Variants in DIAPH3 observed in about 807,000 individuals in gnomAD.
DIAPH3 encodes diaphanous related formin 3, also known as protein diaphanous homolog 3.
A neutral mutation model predicts 144.3 loss-of-function variants in DIAPH3; 117 were observed. That is an observed-to-expected ratio of 0.81 (90% CI 0.70 to 0.95). The LOEUF is 0.95. DIAPH3 is among the 40% of genes least tolerant of loss of function. The pLI is 0.00. For synonymous variants in DIAPH3, 519 were observed against 488.9 expected (o/e 1.06, Z -0.81); for missense variants, 1,421 against 1,412.7 (o/e 1.01, Z -0.09).
At chr13:59,820,850 A>G (rs1411140953) in intron 24 of DIAPH3, among the ~76,000 whole-genome samples, 3 of 150,482 alleles carry the variant, frequency 2.0e-5, no homozygotes, top group Non-Finnish European at 4.4e-5. Context: ...CTATTAAAGT[A>G]GGCTGCCATA....
chr13:60,161,085 G>A (rs79494593), intron 1 of DIAPH3, among the ~76,000 whole-genome samples: 29 of 152,244 alleles, frequency 1.9e-4, no homozygotes, highest in Non-Finnish European at 4.0e-4. Context: ...TCTACTACTC[G>A]CTTGCTGCTT....
At chr13:59,874,222 G>T (rs1277341742) in intron 21 of DIAPH3, among the ~76,000 whole-genome samples, 4 of 152,108 alleles carry the variant, frequency 2.6e-5, no homozygotes, top group Admixed American at 2.6e-4. Context: ...TAAGTTAATT[G>T]AACTGGTGTG....
At chr13:60,021,361 A>G (rs1275830762) in intron 5 of DIAPH3, among the ~76,000 whole-genome samples, 1 of 152,266 alleles carries the variant, frequency 6.6e-6, no homozygotes, top group Non-Finnish European at 1.5e-5. Flanking sequence ...ACCCTGGCTC[A>G]CGCCTGTAAT....
At chr13:59,762,076 TTTTTA>T (rs2037626585) in intron 27 of DIAPH3, among the ~76,000 whole-genome samples, 1 of 108,684 alleles carries the variant, frequency 9.2e-6, no homozygotes, top group Non-Finnish European at 1.9e-5. Context: ...TTTTTTTTTT[TTTTTA>T]GACAGTCTTG....
At chr13:60,079,686 CCTA>C (rs2057487205) in intron 4 of DIAPH3, among the ~76,000 whole-genome samples, 1 of 151,864 alleles carries the variant, frequency 6.6e-6, no homozygotes, top group Admixed American at 6.6e-5. Flanking sequence ...AAGAGCCACT[CCTA>C]CTCAAAGAAA....
intron 9 of DIAPH3, among the ~76,000 whole-genome samples, chr13:59,993,268 A>G (rs1178109403): frequency 6.6e-6 from 1 of 151,886 alleles, no homozygotes; most frequent in African/African-American, 2.4e-5. Context: ...TCAACTTTCA[A>G]CTTCTCCACT....
intron 14 of DIAPH3, 28 bp from the exon 15 acceptor site, chr13:59,974,484 A>T: frequency 1.3e-6 from 2 of 1,547,342 alleles, no homozygotes; most frequent in South Asian, 2.2e-5. Context: ...TAATAACAAA[A>T]ACAGGAAGAT....
chr13:59,697,209 C>T (rs751749561), intron 27 of DIAPH3, among the ~76,000 whole-genome samples: 2 of 151,372 alleles, frequency 1.3e-5, no homozygotes, highest in Admixed American at 6.6e-5. Context: ...CCTGTAATCC[C>T]AGCACTTTGG....
intron 21 of DIAPH3, among the ~76,000 whole-genome samples, chr13:59,875,645 A>C (rs998841870): frequency 6.6e-6 from 1 of 152,208 alleles, no homozygotes. Context: ...CAGGGAAAAC[A>C]CTATTTTTGC....
chr13:60,135,474 T>C (rs927382750), intron 1 of DIAPH3, among the ~76,000 whole-genome samples: 2 of 152,106 alleles, frequency 1.3e-5, no homozygotes, highest in African/African-American at 2.4e-5. Context: ...CTCAAAGGGA[T>C]GTAGATGTGG....
intron 23 of DIAPH3, among the ~76,000 whole-genome samples, chr13:59,835,253 A>C (rs959492823): frequency 6.6e-6 from 1 of 151,766 alleles, no homozygotes; most frequent in Non-Finnish European, 1.5e-5. Flanking sequence ...ACTAGGAAAA[A>C]CAGTAGCTAA....
intron 4 of DIAPH3, among the ~76,000 whole-genome samples, chr13:60,071,069 C>T (rs2057188564): frequency 6.6e-6 from 1 of 152,160 alleles, no homozygotes; most frequent in African/African-American, 2.4e-5. Flanking sequence ...CTTCCACTCA[C>T]CCAAAAGTTA....
At chr13:59,713,197 CAT>C (rs2034841629) in intron 27 of DIAPH3, among the ~76,000 whole-genome samples, 1 of 151,548 alleles carries the variant, frequency 6.6e-6, no homozygotes, top group African/African-American at 2.4e-5. Context: ...AGAAGTGAAA[CAT>C]ATTTGCTCAA....
intron 2 of DIAPH3, among the ~76,000 whole-genome samples, chr13:60,119,547 A>G (rs2058783994): frequency 6.6e-6 from 1 of 151,748 alleles, no homozygotes; most frequent in African/African-American, 2.4e-5. Context: ...GGAGATCGAG[A>G]CCATCCCGGC....
At chr13:59,996,115 T>G (rs1439304220) in intron 9 of DIAPH3, among the ~76,000 whole-genome samples, 1 of 152,034 alleles carries the variant, frequency 6.6e-6, no homozygotes, top group Non-Finnish European at 1.5e-5. Flanking sequence ...CAATTACCAC[T>G]GCATTTGGCA....
intron 17 of DIAPH3, among the ~76,000 whole-genome samples, chr13:59,953,854 T>C (rs2049233304): frequency 6.6e-6 from 1 of 152,218 alleles, no homozygotes; most frequent in South Asian, 2.1e-4. Context: ...GTTTGCATTA[T>C]TGTCTTTAAA....
At chr13:59,768,830 T>C (rs952821750) in intron 27 of DIAPH3, among the ~76,000 whole-genome samples, 4 of 152,154 alleles carry the variant, frequency 2.6e-5, no homozygotes, top group African/African-American at 9.7e-5. Context: ...ATTAAGGCTA[T>C]TAAGAATTGA....
intron 24 of DIAPH3, among the ~76,000 whole-genome samples, chr13:59,828,247 C>A (rs1371693187): frequency 6.6e-6 from 1 of 152,024 alleles, no homozygotes; most frequent in South Asian, 2.1e-4. Flanking sequence ...TTATCCTTCA[C>A]CCCAGCAACC....
intron 27 of DIAPH3, among the ~76,000 whole-genome samples, chr13:59,722,684 C>G (rs2035403872): frequency 6.6e-6 from 1 of 152,168 alleles, no homozygotes; most frequent in Non-Finnish European, 1.5e-5. Flanking sequence ...CTGCAAGGTT[C>G]TGTGTCTGGC....
Sources: gnomAD v4.1 joint callset for allele counts (sites outside exome capture counted in the v4.1 genomes callset) on GRCh38, gnomAD v4.1.1 for gene constraint, MANE v1.5 for transcripts, NCBI Gene and HGNC (gene_info 2026-07-23, HGNC 2026-07-21) for gene names.